Variants in IGSF10 observed in about 807,000 individuals in gnomAD.
The protein encoded by IGSF10 is calvaria mechanical force protein 608.
In IGSF10, 126 loss-of-function variants were observed where a neutral mutation model predicts 128.2. The observed-to-expected ratio is 0.98, with a 90% CI of 0.85 to 1.14. IGSF10 has a LOEUF of 1.14. Among genes scored for constraint, IGSF10 ranks in the 50% most tolerant of loss-of-function variants. The probability of loss-of-function intolerance (pLI) is 0.00; values close to 1 mark genes in which losing one functional copy is unlikely to be tolerated. For synonymous variants in IGSF10, 1,185 were observed against 1,146.2 expected, an observed-to-expected ratio of 1.03 and a Z score of -0.68; for missense variants, 3,295 against 3,149.8, an observed-to-expected ratio of 1.05 and a Z score of -1.10.
chr3:151,497,461 G>T, the IGSF10 span, among the ~76,000 whole-genome samples: 1 of 152,244 alleles, frequency 6.6e-6, no homozygotes, highest in South Asian at 2.1e-4. Context: ...GTTTTTGTCA[G>T]GTTGGTCACA....
chr3:151,469,741 T>C, the IGSF10 span, among the ~76,000 whole-genome samples: 3 of 152,196 alleles, frequency 2.0e-5, no homozygotes, highest in Admixed American at 1.3e-4. Context: ...CACTAAAATC[T>C]GAAGCAATTC....
the IGSF10 span, among the ~76,000 whole-genome samples, chr3:151,492,816 C>T: frequency 6.6e-6 from 1 of 152,018 alleles, no homozygotes. Flanking sequence ...GAAATCATCA[C>T]TTCAAAAAGA....
chr3:151,578,256 G>C, the IGSF10 span, among the ~76,000 whole-genome samples: 1 of 152,080 alleles, frequency 6.6e-6, no homozygotes, highest in Non-Finnish European at 1.5e-5. Context: ...GACAAGGATT[G>C]GCAAACTTAT....
At chr3:151,555,887 A>G in the IGSF10 span, among the ~76,000 whole-genome samples, 9 of 152,184 alleles carry the variant, frequency 5.9e-5, no homozygotes, top group Admixed American at 3.3e-4. Context: ...CAAATAAAAA[A>G]CATCTCAAGG....
At chr3:151,523,335 C>CA in the IGSF10 span, among the ~76,000 whole-genome samples, 1 of 151,912 alleles carries the variant, frequency 6.6e-6, no homozygotes, top group Non-Finnish European at 1.5e-5. Context: ...TCATATGGAA[C>CA]AAAAAAAGAG....
the IGSF10 span, among the ~76,000 whole-genome samples, chr3:151,569,534 C>T: frequency 6.6e-6 from 1 of 152,088 alleles, no homozygotes; most frequent in Non-Finnish European, 1.5e-5. Context: ...GATAATCTGT[C>T]ACACCATTTA....
the IGSF10 span, chr3:151,475,802 G>T: frequency 6.5e-6 from 1 of 153,940 alleles, no homozygotes. Flanking sequence ...TTTTAACAGT[G>T]CTTAGTAGTA....
At chr3:151,572,588 G>A in the IGSF10 span, among the ~76,000 whole-genome samples, 975 of 151,904 alleles carry the variant, frequency 6.4e-3, 11 homozygotes, top group African/African-American at 0.022. Context: ...ATTTTTTATC[G>A]CATCTATTTG....
Position 151,437,254 on chromosome 3 carries a change from G to T in IGSF10, c.7307C>A (p.Thr2436Asn). Residue 2436 changes from threonine to asparagine, a missense_variant, in exon 8 of 8, where the codon ACC becomes AAC. Thr to Asn is a moderately conservative substitution (Grantham distance 65, BLOSUM62 0). Coordinates refer to ENST00000282466, the MANE Select transcript of IGSF10 (RefSeq NM_178822.5). The part of the protein sequence containing the change: ...LEIGQKPVIL[T>N]YAPGTVKGIS... The stretch of plus-strand genomic sequence containing the variant: ...GCCTTTTACTGTCCCTGGTGCATAG[G>T]TAAGAATAACTGGCTTCTGGCCAAT... The T allele has an allele frequency of 6.2e-7, 1 of 1,614,140 alleles. No individual in the cohort carries two copies. The highest frequency in any genetic ancestry group is 1.3e-5 in the African/African-American group (1 of 75,034).
At chr3:151,452,317 T>TTA (rs1721547321) in intron 5 of IGSF10, among the ~76,000 whole-genome samples, 1 of 152,208 alleles carries the variant, frequency 6.6e-6, no homozygotes, top group Admixed American at 6.5e-5. Flanking sequence ...TATAGCCTAC[T>TTA]ACACACCTAG....
intron 2 of IGSF10, among the ~76,000 whole-genome samples, chr3:151,459,747 G>A (rs1721965622): frequency 6.6e-6 from 1 of 152,170 alleles, no homozygotes; most frequent in Admixed American, 6.5e-5. Context: ...CTGAAATGCA[G>A]GATTGAAATA....
the IGSF10 span, among the ~76,000 whole-genome samples, chr3:151,467,850 T>C: frequency 6.6e-6 from 1 of 150,864 alleles, no homozygotes; most frequent in African/African-American, 2.4e-5. Flanking sequence ...TGCCACTGCA[T>C]TCCAGCCTGG....
chr3:151,552,240 C>T, the IGSF10 span, among the ~76,000 whole-genome samples: 1 of 152,138 alleles, frequency 6.6e-6, no homozygotes, highest in Non-Finnish European at 1.5e-5. Context: ...TTTCCTGAGG[C>T]CTCCCCAGCC....
chr3:151,443,688 T>C lies in IGSF10; in HGVS notation c.5259A>G (p.Lys1753=). The C allele has an allele frequency of 6.2e-7, 1 of 1,614,200 alleles. No homozygotes were observed. The highest frequency in any genetic ancestry group is 8.5e-7 in the Non-Finnish European group (1 of 1,180,034). The change falls in exon 7 of 8, where the codon AAA becomes AAG. Residue 1753 remains lysine, a synonymous_variant. Transcript: ENST00000282466. The part of the protein sequence containing the change: ...YPPRILERRT[K]EITVHSGSTV... The stretch of plus-strand genomic sequence containing the variant: ...TGCTTCCGGAATGAACTGTGATCTC[T>C]TTGGTACGTCTCTCCAGGATCCTGG...
the IGSF10 span, among the ~76,000 whole-genome samples, chr3:151,513,105 C>G: frequency 6.6e-6 from 1 of 152,192 alleles, no homozygotes; most frequent in South Asian, 2.1e-4. Context: ...TCCTCCCTAA[C>G]TCATTTTATG....
intron 6 of IGSF10, among the ~76,000 whole-genome samples, chr3:151,444,170 A>T (rs1230768972): frequency 6.6e-6 from 1 of 152,006 alleles, no homozygotes; most frequent in East Asian, 1.9e-4. Flanking sequence ...CCAGCTACTC[A>T]GGTGGTTCAG....
chr3:151,432,952 A>G (rs575489975), downstream of IGSF10: 3 of 611,282 alleles, frequency 4.9e-6, no homozygotes, highest in African/African-American at 5.6e-5. Context: ...AAAAAAAAAA[A>G]AAGGTGTTTA....
chr3:151,512,737 AGAGAC>A, the IGSF10 span, among the ~76,000 whole-genome samples: 1 of 152,234 alleles, frequency 6.6e-6, no homozygotes, highest in Non-Finnish European at 1.5e-5. Context: ...AAAGAAAAAA[AGAGAC>A]AAGAATCAAA....
At chr3:151,508,612 T>G in the IGSF10 span, among the ~76,000 whole-genome samples, 1 of 152,166 alleles carries the variant, frequency 6.6e-6, no homozygotes, top group Non-Finnish European at 1.5e-5. Flanking sequence ...TGATCTGTGA[T>G]CCTATGTTGG....
Sources: gnomAD v4.1 joint callset for allele counts (sites outside exome capture counted in the v4.1 genomes callset) on GRCh38, gnomAD v4.1.1 for gene constraint, MANE v1.5 for transcripts, NCBI Gene and HGNC (gene_info 2026-07-23, HGNC 2026-07-21) for gene names.